Variants in CAMSAP2 observed in about 807,000 individuals in gnomAD.
CAMSAP2 encodes the protein calmodulin-regulated spectrin-associated protein 2.
CAMSAP2 carries 26 observed loss-of-function variants against 146.1 expected under a neutral mutation model. That is an observed-to-expected ratio of 0.18 (90% CI 0.13 to 0.25). CAMSAP2 has a LOEUF of 0.25. Ranked by LOEUF, CAMSAP2 falls within the 10% of genes least tolerant of loss-of-function variation. The pLI, the probability that CAMSAP2 is intolerant of heterozygous loss-of-function variation, is 1.00. For missense variants in CAMSAP2, 1,381 were observed against 1,759.3 expected (o/e 0.78, Z 3.85); for synonymous variants, 499 against 596.6 (o/e 0.84, Z 2.38).
At chr1:200,841,788 T>C (rs986027080) in intron 6 of CAMSAP2, among the ~76,000 whole-genome samples, 16 of 152,230 alleles carry the variant, frequency 1.1e-4, no homozygotes, top group African/African-American at 3.9e-4. Flanking sequence ...TTTAGAACTA[T>C]AGAGCAAATG....
intron 3 of CAMSAP2, among the ~76,000 whole-genome samples, chr1:200,812,212 G>A (rs1020413045): frequency 6.6e-6 from 1 of 152,076 alleles, no homozygotes; most frequent in Admixed American, 6.6e-5. Context: ...TAGTGCCTAC[G>A]ATGACCTTCT....
chr1:200,760,748 A>C (rs1664777001), intron 1 of CAMSAP2, 91 bp from the exon 2 acceptor site: 1 of 972,000 alleles, frequency 1.0e-6, no homozygotes, highest in Non-Finnish European at 1.5e-6. Flanking sequence ...GGGAATCTTA[A>C]ATTCTATGAC....
At chr1:200,755,259 A>G (rs1664616183) in intron 1 of CAMSAP2, among the ~76,000 whole-genome samples, 1 of 152,234 alleles carries the variant, frequency 6.6e-6, no homozygotes, top group East Asian at 1.9e-4. Context: ...ACACACACAT[A>G]TATACATAGT....
intron 2 of CAMSAP2, among the ~76,000 whole-genome samples, chr1:200,783,416 T>C (rs1665494928): frequency 6.6e-6 from 1 of 152,236 alleles, no homozygotes; most frequent in Non-Finnish European, 1.5e-5. Context: ...TTATTTATAC[T>C]GAATACAAGT....
intron 2 of CAMSAP2, among the ~76,000 whole-genome samples, chr1:200,786,383 C>CTTTTTTTTTTTTTTTTTTTTT (rs774638509): frequency 7.0e-6 from 1 of 143,370 alleles, no homozygotes; most frequent in Non-Finnish European, 1.5e-5. Flanking sequence ...AAATTGCTTT[C>CTTTTTTTTTTTTTTTTTTTTT]TTTTTTTTTT....
In CAMSAP2 at chr1:200,739,719, G is replaced by C. The variant is rs1327212486; in HGVS notation, c.-109G>C. On this transcript the variant is annotated 5_prime_UTR_variant, in exon 1 of 17. Coordinates refer to ENST00000358823, the MANE Select transcript of CAMSAP2 (RefSeq NM_203459.4). This position sits in a 1 kb window ranked among gnomAD's most constrained non-coding sequence, Gnocchi z 4.8. ...GTCGGCGCCCGGGCGGACATCGCCC[G>C]GGCCCCGATGGTTTGAGCTTGCTTC... 1.9e-6 allele frequency: 2 copies of C among 1,054,684 alleles called. No individual in the cohort carries two copies. Among genetic ancestry groups the C allele is most frequent in the Non-Finnish European group, 1.3e-6 (1 of 797,176 alleles). 65.3% of individuals were successfully genotyped at this position (1,054,684 alleles called of 1,614,324 possible).
chr1:200,806,821 AATCT>A (rs1426819116), intron 2 of CAMSAP2, among the ~76,000 whole-genome samples: 21 of 146,494 alleles, frequency 1.4e-4, no homozygotes, highest in African/African-American at 4.8e-4. Context: ...ATCTATGCCA[AATCT>A]ATCTATCTGT....
At chr1:200,782,462 G>A (rs12039314) in intron 2 of CAMSAP2, among the ~76,000 whole-genome samples, 26,193 of 151,926 alleles carry the variant, frequency 0.17, 3,002 homozygotes, top group East Asian at 0.35. Context: ...CAGTCAGCCC[G>A]CAGCCCCACC....
At chr1:200,825,857 G>A (rs370816843) in intron 4 of CAMSAP2, among the ~76,000 whole-genome samples, 29 of 152,258 alleles carry the variant, frequency 1.9e-4, no homozygotes, top group East Asian at 1.5e-3. Context: ...ATGTGCCATA[G>A]TTTCTTCAAC....
At chr1:200,784,037 C>CT (rs143205896) in intron 2 of CAMSAP2, among the ~76,000 whole-genome samples, 13,078 of 150,030 alleles carry the variant, frequency 0.087, 1,083 homozygotes, top group East Asian at 0.35. Context: ...TCATTTTACC[C>CT]TTTTTTTTTA....
intron 4 of CAMSAP2, among the ~76,000 whole-genome samples, chr1:200,816,298 A>AAT (rs933037628): frequency 4.7e-5 from 7 of 149,226 alleles, no homozygotes; most frequent in Middle Eastern, 7.0e-3. Flanking sequence ...AAACAAAAAA[A>AAT]ATATATATAT....
At chr1:200,831,491 T>G (rs1667041986) in intron 4 of CAMSAP2, among the ~76,000 whole-genome samples, 1 of 152,178 alleles carries the variant, frequency 6.6e-6, no homozygotes, top group Non-Finnish European at 1.5e-5. Context: ...GCATGTCTCA[T>G]TTTTTAGAGA....
At chr1:200,742,651 C>T (rs1348990344) in intron 1 of CAMSAP2, among the ~76,000 whole-genome samples, 3 of 152,124 alleles carry the variant, frequency 2.0e-5, no homozygotes, top group African/African-American at 7.2e-5. Flanking sequence ...ATCAGCCCAG[C>T]TTTCAATATG....
intron 3 of CAMSAP2, among the ~76,000 whole-genome samples, chr1:200,810,246 A>G (rs549305702): frequency 1.6e-4 from 24 of 152,218 alleles, no homozygotes; most frequent in Admixed American, 6.5e-4. Context: ...TCACTCCCAC[A>G]TTGTCTGACT....
intron 2 of CAMSAP2, among the ~76,000 whole-genome samples, chr1:200,790,222 AC>A (rs1665712590): frequency 6.6e-6 from 1 of 152,084 alleles, no homozygotes. Flanking sequence ...CTTTGATAGT[AC>A]CTTAACAGAT....
intron 2 of CAMSAP2, among the ~76,000 whole-genome samples, chr1:200,791,513 T>TCCCACA (rs139132499): frequency 2.8e-3 from 427 of 152,304 alleles, no homozygotes; most frequent in African/African-American, 9.5e-3. Context: ...CACACACAGG[T>TCCCACA]CACCGATGAG....
At chr1:200,782,580 G>C (rs1665465035) in intron 2 of CAMSAP2, among the ~76,000 whole-genome samples, 1 of 151,720 alleles carries the variant, frequency 6.6e-6, no homozygotes, top group South Asian at 2.1e-4. Flanking sequence ...TTTTTTACTA[G>C]ATTCTTTTGC....
chr1:200,765,044 C>T (rs1351448766), intron 2 of CAMSAP2, among the ~76,000 whole-genome samples: 1 of 152,026 alleles, frequency 6.6e-6, no homozygotes, highest in Non-Finnish European at 1.5e-5. Flanking sequence ...AAGGAGATTG[C>T]AGTCAGCCAA....
At chr1:200,746,775 C>T (rs751996336) in intron 1 of CAMSAP2, among the ~76,000 whole-genome samples, 28 of 151,848 alleles carry the variant, frequency 1.8e-4, no homozygotes, top group Admixed American at 5.9e-4. Context: ...CCCACCACCA[C>T]GCCCAGCTAA....
Sources: allele counts gnomAD v4.1 joint callset (sites outside exome capture counted in the v4.1 genomes callset), GRCh38; gene constraint gnomAD v4.1.1; non-coding constraint Gnocchi (gnomAD v3.1); transcripts MANE v1.5; gene names NCBI Gene and HGNC (gene_info 2026-07-23, HGNC 2026-07-21).